The following FGF12 variants were observed in gnomAD, a reference collection of about 807,000 sequenced individuals.
FGF12 encodes the protein fibroblast growth factor 12, also known as fibroblast growth factor 12B.
In FGF12, 14 loss-of-function variants were observed where a neutral mutation model predicts 23.6. That is an observed-to-expected ratio of 0.59 (90% CI 0.39 to 0.93). The LOEUF (loss-of-function observed/expected upper bound fraction) is 0.93, where lower values mean the gene tolerates loss of function less well. FGF12 is among the 40% of genes least tolerant of loss of function. The pLI is 0.00. For missense variants in FGF12, 175 were observed against 217.8 expected, an observed-to-expected ratio of 0.80 and a Z score of 1.24; for synonymous variants, 62 against 77.3, an observed-to-expected ratio of 0.80 and a Z score of 1.04.
intron 2 of FGF12, among the ~76,000 whole-genome samples, chr3:192,586,033 G>GAA (rs34002901): frequency 6.6e-6 from 1 of 151,860 alleles, no homozygotes; most frequent in Non-Finnish European, 1.5e-5. Flanking sequence ...GTCCATAAAA[G>GAA]AAAAAAATCA....
chr3:192,326,868 T>C (rs1309108901), intron 4 of FGF12, among the ~76,000 whole-genome samples: 1 of 152,230 alleles, frequency 6.6e-6, no homozygotes, highest in African/African-American at 2.4e-5. Context: ...TTTAGTCACA[T>C]GACTTCTCTG....
intron 2 of FGF12, among the ~76,000 whole-genome samples, chr3:192,628,638 A>G (rs1715271128): frequency 6.6e-6 from 1 of 150,430 alleles, no homozygotes; most frequent in Non-Finnish European, 1.5e-5. Flanking sequence ...TGATTTCATT[A>G]TAGATTTAAT....
At chr3:192,571,643 C>G (rs1293619748) in intron 2 of FGF12, among the ~76,000 whole-genome samples, 1 of 152,240 alleles carries the variant, frequency 6.6e-6, no homozygotes, top group Non-Finnish European at 1.5e-5. Context: ...GCTTTTGAAT[C>G]TGTCCTGTGT....
intron 4 of FGF12, among the ~76,000 whole-genome samples, chr3:192,196,331 A>G (rs899921074): frequency 6.6e-6 from 1 of 152,222 alleles, no homozygotes; most frequent in African/African-American, 2.4e-5. Flanking sequence ...AAAAATTGAG[A>G]TTTAAAAACT....
chr3:192,539,499 T>C (rs1009107405), intron 2 of FGF12, among the ~76,000 whole-genome samples: 2 of 152,198 alleles, frequency 1.3e-5, no homozygotes, highest in African/African-American at 4.8e-5. Context: ...TCCAACTTGG[T>C]CATGATGAAT....
intron 4 of FGF12, among the ~76,000 whole-genome samples, chr3:192,262,350 T>C (rs749745936): frequency 2.6e-5 from 4 of 152,150 alleles, no homozygotes; most frequent in Non-Finnish European, 4.4e-5. Context: ...AAAAATGTTG[T>C]CTCCATTGCA....
chr3:192,391,638 G>A (rs1484835105), intron 2 of FGF12, among the ~76,000 whole-genome samples: 2 of 152,132 alleles, frequency 1.3e-5, no homozygotes, highest in Admixed American at 6.5e-5. Context: ...TTGATAAACT[G>A]GAGGTGAACA....
chr3:192,275,233 C>T (rs1418319059), intron 4 of FGF12, among the ~76,000 whole-genome samples: 1 of 152,118 alleles, frequency 6.6e-6, no homozygotes, highest in African/African-American at 2.4e-5. Flanking sequence ...CAAGCCAAAA[C>T]TAAGTTGTTT....
At chr3:192,275,963 T>A (rs1713758334) in intron 4 of FGF12, among the ~76,000 whole-genome samples, 1 of 152,186 alleles carries the variant, frequency 6.6e-6, no homozygotes, top group Non-Finnish European at 1.5e-5. Context: ...ACATAAATTA[T>A]ATTACCAACA....
At chr3:192,634,491 C>T (rs1019814699) in intron 2 of FGF12, among the ~76,000 whole-genome samples, 2 of 152,044 alleles carry the variant, frequency 1.3e-5, no homozygotes, top group African/African-American at 2.4e-5. Flanking sequence ...AAAGGACTTG[C>T]GCATCCATGG....
intron 5 of FGF12, among the ~76,000 whole-genome samples, chr3:192,155,938 T>C (rs1714388694): frequency 6.6e-6 from 1 of 152,240 alleles, no homozygotes. Context: ...GTCCCTTGAT[T>C]TGTAGTAGCT....
At chr3:192,281,453 C>T (rs930291728) in intron 4 of FGF12, among the ~76,000 whole-genome samples, 1 of 152,018 alleles carries the variant, frequency 6.6e-6, no homozygotes, top group Non-Finnish European at 1.5e-5. Context: ...TGTAGAAAGC[C>T]TATTTCCAAA....
intron 2 of FGF12, among the ~76,000 whole-genome samples, chr3:192,527,004 C>T (rs781326757): frequency 6.6e-6 from 1 of 152,162 alleles, no homozygotes; most frequent in Non-Finnish European, 1.5e-5. Context: ...TTGATGCTGA[C>T]TTGAATGTGT....
Position 192,167,765 on chromosome 3 carries a change from ATATAAAATTT to A in FGF12, c.427+2683_427+2692del, listed in dbSNP as rs1715290230. On this transcript the variant is annotated intron_variant, in intron 5 of 5. Transcript: ENST00000445105. ...TATATATATATATATATATATATATATATAAAATTTTTTTTTTTTTTTTTTTTTGAGAAAG... is the reference window on the plus strand; with the variant it reads ...TATATATATATATATATATATATATATTTTTTTTTTTTTTTTTTGAGAAAG... 2.2e-4 allele frequency among the ~76,000 whole-genome samples: 7 copies of A among 32,378 alleles called. No individual in the cohort carries two copies. The South Asian group carries it at 5.0e-3, about 23-fold the overall frequency. 21.2% of individuals were successfully genotyped at this position (32,378 alleles called of 152,430 possible).
At chr3:192,542,594 G>C (rs961684702) in intron 2 of FGF12, among the ~76,000 whole-genome samples, 3 of 151,974 alleles carry the variant, frequency 2.0e-5, no homozygotes, top group African/African-American at 7.3e-5. Context: ...GAAGAGTTGG[G>C]TATTTATTGT....
At chr3:192,627,852 A>ATGTGTGAGTGTGTG (rs1715230525) in intron 2 of FGF12, among the ~76,000 whole-genome samples, 1 of 147,250 alleles carries the variant, frequency 6.8e-6, no homozygotes, top group Non-Finnish European at 1.5e-5. Flanking sequence ...GTGTGTGTGC[A>ATGTGTGAGTGTGTG]TGTGTGTGTG....
At chr3:192,171,412 A>C (rs1000681334) in intron 4 of FGF12, among the ~76,000 whole-genome samples, 7 of 152,208 alleles carry the variant, frequency 4.6e-5, no homozygotes, top group African/African-American at 1.7e-4. Flanking sequence ...ATTCAAATAC[A>C]CATTTAAGAA....
In FGF12 at chr3:192,514,739, A is replaced by G. The variant is rs1438820338; in HGVS notation, c.14-154201T>C. ...AGCATATGCACTCCTTTCTTCAGAG[A>G]AAGCTCAAGAATCTTCATGGAGAAG... On this transcript the variant is annotated intron_variant, in intron 2 of 5. Coordinates refer to ENST00000445105, the MANE Select transcript of FGF12 (RefSeq NM_004113.6). The surrounding 1 kb of genome is among the most constrained non-coding windows in gnomAD (Gnocchi z 4.9). 1 of 985,244 alleles carries G rather than the reference A, an allele frequency of 1.0e-6. No individual in the cohort carries two copies. The highest frequency in any genetic ancestry group is 1.2e-6 in the Non-Finnish European group (1 of 829,916). The allele number at this position is 985,244 out of a possible 1,614,324, so 61.0% of individuals were successfully genotyped here. A position where few individuals can be genotyped will look rare whatever the true frequency, so the allele number is the denominator to read the frequency against.
chr3:192,528,097 T>G (rs1724996082), intron 2 of FGF12, among the ~76,000 whole-genome samples: 1 of 152,092 alleles, frequency 6.6e-6, no homozygotes, highest in Admixed American at 6.5e-5. Context: ...CAATCAAGCC[T>G]TCCCAATAGT....
Sources: allele counts gnomAD v4.1 joint callset (sites outside exome capture counted in the v4.1 genomes callset), GRCh38; gene constraint gnomAD v4.1.1; non-coding constraint Gnocchi (gnomAD v3.1); transcripts MANE v1.5; gene names NCBI Gene and HGNC (gene_info 2026-07-23, HGNC 2026-07-21).